The following VPS39 variants were observed in gnomAD, a reference collection of about 807,000 sequenced individuals.
VPS39 encodes the protein vam6/Vps39-like protein.
A neutral mutation model predicts 121.0 loss-of-function variants in VPS39; 70 were observed. That is an observed-to-expected ratio of 0.58 (90% confidence interval 0.48 to 0.71). VPS39 has a LOEUF of 0.71. Ranked by LOEUF, VPS39 falls within the 30% of genes least tolerant of loss-of-function variation. The pLI is 0.00. For synonymous variants in VPS39, 378 were observed against 398.1 expected, an observed-to-expected ratio of 0.95 and a Z score of 0.60; for missense variants, 818 against 1,051.5, an observed-to-expected ratio of 0.78 and a Z score of 3.07.
chr15:42,166,958 C>A (rs375914789), intron 13 of VPS39, 45 bp from the exon 14 acceptor site: 1 of 1,610,044 alleles, frequency 6.2e-7, no homozygotes, highest in Non-Finnish European at 8.5e-7. Flanking sequence ...TCCTGGGGAG[C>A]CCCACCCTTC....
At chr15:42,181,120 G>C (rs1005206800) in intron 8 of VPS39, among the ~76,000 whole-genome samples, 1 of 152,134 alleles carries the variant, frequency 6.6e-6, no homozygotes, top group Non-Finnish European at 1.5e-5. Flanking sequence ...AGTAACCCAA[G>C]TATCCACGAA....
chr15:42,173,816 G>T lies in VPS39; in HGVS notation c.997C>A (p.Gln333Lys). The change falls in exon 11 of 25, where the codon CAA becomes AAA. Residue 333 changes from glutamine (Q) to lysine (K), a missense_variant. Gln to Lys is a moderately conservative substitution (Grantham distance 53). Coordinates refer to ENST00000318006, the MANE Select transcript of VPS39 (RefSeq NM_015289.5). ...TACAAGTTCTTGATGTGATGAATTTGTTGCTGCTTTTCACTGTCAGAATCA... is the reference window on the plus strand; with the variant it reads ...TACAAGTTCTTGATGTGATGAATTTTTTGCTGCTTTTCACTGTCAGAATCA... ...KDDSDSEKQQ[Q>K]IHHIKNLYAF... 1 of 1,614,170 alleles carries T rather than the reference G, an allele frequency of 6.2e-7. No homozygotes were observed.
At position 42,187,372 on chromosome 15, in the gene VPS39, A is replaced by G; in HGVS notation, c.442-9T>C. 6.3e-7 allele frequency: 1 copy of G among 1,595,842 alleles called. No homozygotes were observed. The highest frequency in any genetic ancestry group is 8.5e-7 in the Non-Finnish European group (1 of 1,174,286). On this transcript the variant is annotated splice_polypyrimidine_tract_variant and intron_variant, in intron 6 of 24. Coordinates refer to ENST00000318006, the MANE Select transcript of VPS39 (RefSeq NM_015289.5). ...GGCACACTAAAGTCCCCCTGAAAAAAGAGAGCAAGGATCTGAATGAAATAA... is the reference window on the plus strand; with the variant it reads ...GGCACACTAAAGTCCCCCTGAAAAAGGAGAGCAAGGATCTGAATGAAATAA...
At chr15:42,206,420 G>T (rs184614466) in intron 1 of VPS39, among the ~76,000 whole-genome samples, 2 of 152,262 alleles carry the variant, frequency 1.3e-5, no homozygotes, top group African/African-American at 4.8e-5. Context: ...TCTCCTGTTC[G>T]GTGGGTGATC....
chr15:42,197,174 C>T (rs1310988067), intron 2 of VPS39, among the ~76,000 whole-genome samples: 6 of 83,328 alleles, frequency 7.2e-5, no homozygotes, highest in Admixed American at 3.7e-4. Flanking sequence ...GGGGGCCTGT[C>T]GTGGGGTGGG....
In VPS39 at chr15:42,208,086, G is replaced by A. The variant is rs1456471187; in HGVS notation, c.68C>T (p.Ala23Val). 2 of 1,582,566 alleles carry A rather than the reference G, an allele frequency of 1.3e-6. No homozygotes were observed. Among genetic ancestry groups the A allele is most frequent in the Non-Finnish European group, 1.7e-6 (2 of 1,163,706 alleles). The change falls in exon 1 of 25, where the codon GCC becomes GTC. Residue 23 changes from alanine to valine, a missense_variant. Coordinates refer to ENST00000318006, the MANE Select transcript of VPS39 (RefSeq NM_015289.5). ...KLPLQIDCLA[A>V]WEEWLLVGTK... ...CCCGCGGCCCCTCGGCTCACCCCAG[G>A]CAGCCAGACAGTCGATTTGCAGAGG... is the stretch of plus-strand genomic sequence containing the variant.
At chr15:42,194,985 TG>T (rs2049906548) in intron 2 of VPS39, among the ~76,000 whole-genome samples, 1 of 151,802 alleles carries the variant, frequency 6.6e-6, no homozygotes, top group African/African-American at 2.4e-5. Flanking sequence ...TCTGCAAACT[TG>T]GTTTTGTCCT....
chr15:42,199,510 C>T (rs73407403), intron 2 of VPS39: 39,172 of 434,940 alleles, frequency 0.09, 2,937 homozygotes, highest in Admixed American at 0.22. Context: ...TATTTTAAAT[C>T]GATGTTGCCT....
chr15:42,208,279 T>C lies in VPS39; in HGVS notation c.-126A>G. 8 of 1,253,472 alleles carry C rather than the reference T, an allele frequency of 6.4e-6. No homozygotes were observed. The highest frequency in any genetic ancestry group is 8.8e-6 in the Non-Finnish European group (8 of 909,990). 77.6% of individuals were successfully genotyped at this position (1,253,472 alleles called of 1,614,324 possible). A position where few individuals can be genotyped will look rare whatever the true frequency, so the allele number is the denominator to read the frequency against. On this transcript the variant is annotated 5_prime_UTR_variant, in exon 1 of 25. Transcript: ENST00000318006. The stretch of plus-strand genomic sequence containing the variant: ...CAGGAACCCCCCGGCTACAGGCCCT[T>C]CAACAACACAGCCATCGTCAACCCC...
intron 1 of VPS39, among the ~76,000 whole-genome samples, chr15:42,204,871 T>C (rs1193438984): frequency 6.6e-6 from 1 of 152,152 alleles, no homozygotes; most frequent in Non-Finnish European, 1.5e-5. Flanking sequence ...TGTATGTATA[T>C]ATAGACATAC....
At chr15:42,167,603 G>A in intron 12 of VPS39, 66 bp from the exon 13 acceptor site, 1 of 1,579,564 alleles carries the variant, frequency 6.3e-7, no homozygotes, top group Non-Finnish European at 8.6e-7. Context: ...GAGCTACTGG[G>A]TAATTCTGAA....
At chr15:42,165,248 G>C in intron 17 of VPS39, 135 bp from the exon 18 acceptor site, 1 of 792,578 alleles carries the variant, frequency 1.3e-6, no homozygotes, top group South Asian at 1.7e-5. Context: ...ATGACTAAGA[G>C]ACAGCTCGTC....
chr15:42,206,171 T>A (rs1036620272), intron 1 of VPS39, among the ~76,000 whole-genome samples: 1 of 152,196 alleles, frequency 6.6e-6, no homozygotes, highest in African/African-American at 2.4e-5. Flanking sequence ...AGACAGAGTA[T>A]GTTGTCTCTA....
At chr15:42,171,964 T>A (rs1260753845) in intron 11 of VPS39, among the ~76,000 whole-genome samples, 6 of 151,990 alleles carry the variant, frequency 3.9e-5, no homozygotes, top group Admixed American at 2.0e-4. Context: ...AGTCTGGGGG[T>A]CAGACCATGA....
In VPS39 at chr15:42,187,407, T is replaced by A. The variant is rs568492917; in HGVS notation, c.442-44A>T. The A allele has an allele frequency of 1.8e-4, 276 of 1,535,444 alleles. 1 individual carries two copies. The highest frequency in any genetic ancestry group is 6.3e-4 in the South Asian group (52 of 82,384). ...GATCTGAATGAAATAAATATTTTTT[T>A]AAAAAATCATGACTTTCCTGTTATT... is the stretch of plus-strand genomic sequence containing the variant. On this transcript the variant is annotated intron_variant, in intron 6 of 24. Transcript: ENST00000318006.
intron 2 of VPS39, among the ~76,000 whole-genome samples, chr15:42,193,960 G>A (rs957763468): frequency 2.0e-5 from 3 of 151,716 alleles, no homozygotes; most frequent in Admixed American, 6.6e-5. Context: ...AGTTTAGCTC[G>A]TAACTCAATC....
At chr15:42,171,062 G>A (rs963409457) in intron 11 of VPS39, among the ~76,000 whole-genome samples, 21 of 152,218 alleles carry the variant, frequency 1.4e-4, no homozygotes, top group Middle Eastern at 3.4e-3. Context: ...GCAAAATGCT[G>A]TAAGTAGCCA....
chr15:42,199,978 A>G lies in VPS39; in HGVS notation c.74-17T>C. 6.4e-7 allele frequency: 1 copy of G among 1,551,002 alleles called. No individual in the cohort carries two copies. ...GCCATTCCTCTGGAAAAACAAAACA[A>G]AACAAAAACAAAAACAAAAAAAAAC... is the stretch of plus-strand genomic sequence containing the variant. On this transcript the variant is annotated splice_polypyrimidine_tract_variant and intron_variant, in intron 1 of 24. Transcript: ENST00000318006.
chr15:42,163,329 T>C lies in VPS39; in HGVS notation c.2175+21A>G, dbSNP rs779529690. On this transcript the variant is annotated intron_variant, in intron 21 of 24. Coordinates refer to ENST00000318006, the MANE Select transcript of VPS39 (RefSeq NM_015289.5). ...GGGAGAGGTATGCACACGTGCTCCC[T>C]GGGTCAGGGTCACTACTCACATCTT... 2.5e-6 allele frequency: 4 copies of C among 1,614,192 alleles called. No homozygotes were observed. In the Admixed American group the frequency reaches 6.7e-5, roughly 27 times the overall value.
Sources: gnomAD v4.1 joint callset for allele counts (sites outside exome capture counted in the v4.1 genomes callset) on GRCh38, gnomAD v4.1.1 for gene constraint, MANE v1.5 for transcripts, NCBI Gene and HGNC (gene_info 2026-07-23, HGNC 2026-07-21) for gene names.